The following FAM162A variants were observed in gnomAD, a reference collection of about 807,000 sequenced individuals.
FAM162A encodes protein FAM162A.
FAM162A carries 23 observed loss-of-function variants against 21.8 expected under a neutral mutation model. The ratio of observed to expected loss-of-function variants is 1.05; its 90% CI spans 0.76 to 1.49. The LOEUF is 1.49. Ranked by LOEUF, FAM162A falls within the 40% of genes most tolerant of loss-of-function variation. The pLI is 0.00. For synonymous variants in FAM162A, 53 were observed against 61.3 expected, an observed-to-expected ratio of 0.86 and a Z score of 0.64; for missense variants, 165 against 186.4, an observed-to-expected ratio of 0.89 and a Z score of 0.67.
intron 3 of FAM162A, among the ~76,000 whole-genome samples, chr3:122,405,695 T>G (rs1437724020): frequency 6.6e-6 from 1 of 152,100 alleles, no homozygotes. Flanking sequence ...TCTGGAAGGG[T>G]CTTTTCTGGG....
intron 1 of FAM162A, among the ~76,000 whole-genome samples, chr3:122,395,883 T>C (rs1372120580): frequency 6.6e-6 from 1 of 152,184 alleles, no homozygotes; most frequent in Non-Finnish European, 1.5e-5. Flanking sequence ...AGTCCAGAAA[T>C]ATACTCTCAT....
Position 122,410,032 on chromosome 3 carries a change from G to A in FAM162A, c.*201G>A. On this transcript the variant is annotated 3_prime_UTR_variant, in exon 5 of 5. Coordinates refer to ENST00000477892, the MANE Select transcript of FAM162A (RefSeq NM_014367.4). ...GTTTTATTGTTTTGATCCAAGTCAA[G>A]TGTAGCCTCTCAGCCTTTTGGAGAA... is the stretch of plus-strand genomic sequence containing the variant. 3.3e-6 allele frequency: 2 copies of A among 598,934 alleles called. No individual in the cohort carries two copies. Among genetic ancestry groups the A allele is most frequent in the Non-Finnish European group, 6.0e-6 (2 of 331,552 alleles). The allele number at this position is 598,934 out of a possible 1,614,324, so 37.1% of individuals were successfully genotyped here.
intron 1 of FAM162A, among the ~76,000 whole-genome samples, chr3:122,391,704 T>C (rs6766380): frequency 0.01 from 1,555 of 152,014 alleles, 30 homozygotes; most frequent in African/African-American, 0.034. Context: ...GTTCTGGCCA[T>C]ACTGGCCTTC....
intron 1 of FAM162A, 41 bp downstream of exon 1, chr3:122,384,340 C>T (rs2075562706): frequency 1.3e-6 from 2 of 1,559,462 alleles, no homozygotes; most frequent in Non-Finnish European, 8.7e-7. Flanking sequence ...GGGAGCTGGC[C>T]CGGCCGCTGC....
At chr3:122,407,916 T>C (rs923863078) in intron 4 of FAM162A, 2 of 153,540 alleles carry the variant, frequency 1.3e-5, no homozygotes, top group African/African-American at 4.8e-5. Context: ...CTATCACTAA[T>C]TGAACACTCA....
intron 1 of FAM162A, among the ~76,000 whole-genome samples, chr3:122,389,381 G>GGATAGATAGATAGATAGATA (rs61431402): frequency 6.9e-6 from 1 of 145,232 alleles, no homozygotes; most frequent in Non-Finnish European, 1.5e-5. Flanking sequence ...TAGTATAGAT[G>GGATAGATAGATAGATAGATA]GATAGATAGA....
intron 2 of FAM162A, among the ~76,000 whole-genome samples, chr3:122,403,814 C>T (rs1388332824): frequency 6.6e-6 from 1 of 152,224 alleles, no homozygotes; most frequent in Non-Finnish European, 1.5e-5. Flanking sequence ...AATATCCGCT[C>T]ACCATGGTAT....
chr3:122,395,786 T>G (rs1415704767), intron 1 of FAM162A, among the ~76,000 whole-genome samples: 5 of 152,176 alleles, frequency 3.3e-5, no homozygotes, highest in Non-Finnish European at 7.4e-5. Context: ...ACTTCCTGAT[T>G]AAAAACTTAA....
intron 4 of FAM162A, among the ~76,000 whole-genome samples, chr3:122,408,657 C>G (rs2107701940): frequency 6.6e-6 from 1 of 152,308 alleles, no homozygotes; most frequent in East Asian, 1.9e-4. Flanking sequence ...TTTGACCTCT[C>G]ATGCATAGTT....
rs776548425 is a variant in FAM162A at position 122,402,840 on chromosome 3, G to C, written c.115G>C (p.Gly39Arg). 8 of 1,604,660 alleles carry C rather than the reference G, an allele frequency of 5.0e-6. No individual in the cohort carries two copies. The highest frequency in any genetic ancestry group is 6.0e-6 in the Non-Finnish European group (7 of 1,175,944). The change falls in exon 2 of 5, where the codon GGA becomes CGA. Residue 39 changes from glycine to arginine, a missense_variant. Transcript: ENST00000477892. ...TRSSDLKRIN[G>R]FCTKPQESPG... ...AAGCTCTGATTTGAAGAGAATAAAT[G>C]GATTTTGCACAAAACCACAGGAAAG...
intron 1 of FAM162A, among the ~76,000 whole-genome samples, chr3:122,387,425 T>C (rs558207955): frequency 1.3e-5 from 2 of 152,324 alleles, no homozygotes; most frequent in African/African-American, 2.4e-5. Flanking sequence ...TAGAGAGGTA[T>C]CTTAGAAGTC....
At chr3:122,389,649 C>G (rs2075591784) in intron 1 of FAM162A, among the ~76,000 whole-genome samples, 1 of 152,038 alleles carries the variant, frequency 6.6e-6, no homozygotes, top group South Asian at 2.1e-4. Flanking sequence ...TTTTATACAG[C>G]TATTAAAAGT....
chr3:122,399,155 C>A (rs2075642240), intron 1 of FAM162A, among the ~76,000 whole-genome samples: 1 of 152,140 alleles, frequency 6.6e-6, no homozygotes, highest in Admixed American at 6.5e-5. Context: ...CATTATTTAG[C>A]TCCCACTTAT....
chr3:122,392,925 TAGAG>T (rs1398212358), intron 1 of FAM162A, among the ~76,000 whole-genome samples: 2 of 152,216 alleles, frequency 1.3e-5, no homozygotes, highest in African/African-American at 2.4e-5. Flanking sequence ...ACTTAACAGT[TAGAG>T]AGCCTGCTGT....
intron 1 of FAM162A, among the ~76,000 whole-genome samples, chr3:122,385,609 ATATATT>A (rs1272873139): frequency 1.3e-5 from 2 of 152,250 alleles, no homozygotes; most frequent in African/African-American, 2.4e-5. Flanking sequence ...TGCTTTGAGA[ATATATT>A]TATGCATCTT....
intron 4 of FAM162A, among the ~76,000 whole-genome samples, chr3:122,409,136 T>G (rs1237827727): frequency 1.8e-4 from 27 of 151,992 alleles, no homozygotes; most frequent in Admixed American, 1.8e-3. Context: ...CTGGCCTGTA[T>G]GTAAGCTTCA....
chr3:122,385,784 C>G (rs1474632804), intron 1 of FAM162A, among the ~76,000 whole-genome samples: 1 of 152,180 alleles, frequency 6.6e-6, no homozygotes. Flanking sequence ...ATATGAGCAG[C>G]TCTCTCCATA....
At chr3:122,389,313 G>T (rs745480714) in intron 1 of FAM162A, among the ~76,000 whole-genome samples, 4 of 152,062 alleles carry the variant, frequency 2.6e-5, no homozygotes, top group Non-Finnish European at 4.4e-5. Context: ...TAATAAGACA[G>T]AATTCTCAGT....
rs2075700298 is a variant in FAM162A at position 122,410,553 on chromosome 3, C to T, written c.*722C>T. 6.6e-6 allele frequency: 1 copy of T among 152,206 alleles called. No homozygotes were observed. The highest frequency in any genetic ancestry group is 1.5e-5 in the Non-Finnish European group (1 of 68,134). 9.4% of individuals were successfully genotyped at this position (152,206 alleles called of 1,614,324 possible). ...ATTATTACTGTTAGAAGTATTTGCA[C>T]CTCATATATATCTCATTTACAGTTT... On this transcript the variant is annotated 3_prime_UTR_variant, in exon 5 of 5. Transcript: ENST00000477892.
Sources: allele counts gnomAD v4.1 joint callset (sites outside exome capture counted in the v4.1 genomes callset), GRCh38; gene constraint gnomAD v4.1.1; transcripts MANE v1.5; gene names NCBI Gene and HGNC (gene_info 2026-07-23, HGNC 2026-07-21).